Variants in DPP10 observed in about 807,000 individuals in gnomAD.
DPP10 encodes dipeptidyl peptidase like 10.
In DPP10, 33 loss-of-function variants were observed where a neutral mutation model predicts 120.9. That is an observed-to-expected ratio of 0.27 (90% confidence interval 0.21 to 0.37). The LOEUF (loss-of-function observed/expected upper bound fraction) is 0.37. Among genes scored for constraint, DPP10 ranks in the 10% least tolerant of loss-of-function variants. DPP10 has a pLI of 1.00. For synonymous variants in DPP10, 337 were observed against 326.1 expected (o/e 1.03, Z -0.36); for missense variants, 816 against 942.8 (o/e 0.87, Z 1.76).
intron 1 of DPP10, among the ~76,000 whole-genome samples, chr2:114,789,595 C>T (rs1683072264): frequency 6.6e-6 from 1 of 152,138 alleles, no homozygotes; most frequent in Non-Finnish European, 1.5e-5. Flanking sequence ...TCACATGCAC[C>T]TTAGAGTGTG....
intron 1 of DPP10, among the ~76,000 whole-genome samples, chr2:115,186,167 G>T (rs1259437192): frequency 6.6e-6 from 1 of 152,256 alleles, no homozygotes; most frequent in Non-Finnish European, 1.5e-5. Flanking sequence ...TCACTGCGGA[G>T]CTCCGTTGTT....
At chr2:115,698,658 G>A (rs187336729) in intron 7 of DPP10, among the ~76,000 whole-genome samples, 1 of 152,164 alleles carries the variant, frequency 6.6e-6, no homozygotes, top group Non-Finnish European at 1.5e-5. Context: ...TGAGGGCAAA[G>A]CTGCCATCTG....
At chr2:115,391,367 C>G (rs1347095545) in intron 3 of DPP10, among the ~76,000 whole-genome samples, 1 of 152,078 alleles carries the variant, frequency 6.6e-6, no homozygotes, top group Non-Finnish European at 1.5e-5. Context: ...AATCTGAGAT[C>G]ATTCTATCTT....
intron 1 of DPP10, among the ~76,000 whole-genome samples, chr2:115,174,051 C>T (rs548623306): frequency 6.6e-6 from 1 of 152,186 alleles, no homozygotes; most frequent in South Asian, 2.1e-4. Flanking sequence ...TGGAAAGGTT[C>T]CAGCTGGTTT....
At chr2:115,095,720 T>G (rs1003626086) in intron 1 of DPP10, among the ~76,000 whole-genome samples, 9 of 152,006 alleles carry the variant, frequency 5.9e-5, no homozygotes, top group Non-Finnish European at 1.2e-4. Flanking sequence ...AATATGCAAT[T>G]AAATACACAT....
intron 5 of DPP10, among the ~76,000 whole-genome samples, chr2:115,627,287 G>A (rs900898038): frequency 5.3e-5 from 8 of 152,022 alleles, no homozygotes; most frequent in Non-Finnish European, 1.0e-4. Flanking sequence ...CTGACACTGG[G>A]CAGATGAGAT....
intron 3 of DPP10, among the ~76,000 whole-genome samples, chr2:115,456,201 A>G (rs1291816870): frequency 6.6e-6 from 1 of 152,206 alleles, no homozygotes; most frequent in East Asian, 1.9e-4. Context: ...CATCAAACAT[A>G]TGAAAAAAAG....
At chr2:115,570,588 CT>C (rs1339736938) in intron 5 of DPP10, among the ~76,000 whole-genome samples, 1 of 152,186 alleles carries the variant, frequency 6.6e-6, no homozygotes, top group Non-Finnish European at 1.5e-5. Context: ...GCTCTGTCAT[CT>C]TCAGGTGAAT....
At chr2:115,529,809 A>G (rs547453820) in intron 5 of DPP10, among the ~76,000 whole-genome samples, 1 of 152,294 alleles carries the variant, frequency 6.6e-6, no homozygotes, top group East Asian at 1.9e-4. Context: ...AAACTGTTTT[A>G]GGTTATGCCA....
chr2:114,499,841 A>G (rs1166197118), intron 1 of DPP10, among the ~76,000 whole-genome samples: 1 of 152,206 alleles, frequency 6.6e-6, no homozygotes, highest in Non-Finnish European at 1.5e-5. Flanking sequence ...ATTTAAAATA[A>G]ATTTCCTTAA....
At chr2:115,811,437 C>T (rs1686629539) in intron 19 of DPP10, among the ~76,000 whole-genome samples, 1 of 152,130 alleles carries the variant, frequency 6.6e-6, no homozygotes, top group Non-Finnish European at 1.5e-5. Flanking sequence ...AAACCTGTTG[C>T]CATTTACTAA....
intron 1 of DPP10, among the ~76,000 whole-genome samples, chr2:114,471,735 A>C (rs2104618296): frequency 6.6e-6 from 1 of 152,322 alleles, no homozygotes; most frequent in Middle Eastern, 3.4e-3. Flanking sequence ...ATGGTCTCAC[A>C]CAACACATCT....
At chr2:115,123,949 GC>G (rs2049948863) in intron 1 of DPP10, among the ~76,000 whole-genome samples, 1 of 149,344 alleles carries the variant, frequency 6.7e-6, no homozygotes, top group African/African-American at 2.5e-5. Context: ...GTCTGATTAT[GC>G]CTTTTTTTTT....
chr2:114,599,256 A>G (rs921996173), intron 1 of DPP10, among the ~76,000 whole-genome samples: 5 of 152,050 alleles, frequency 3.3e-5, no homozygotes, highest in Middle Eastern at 3.4e-3. Flanking sequence ...TATGCATGCA[A>G]TGAAATGTGC....
intron 3 of DPP10, among the ~76,000 whole-genome samples, chr2:115,431,505 A>G (rs2070980083): frequency 6.6e-6 from 1 of 152,120 alleles, no homozygotes; most frequent in South Asian, 2.1e-4. Flanking sequence ...GTGTAGAGAT[A>G]GCACTACCTA....
chr2:114,485,487 G>T (rs369896504), intron 1 of DPP10, among the ~76,000 whole-genome samples: 8 of 150,520 alleles, frequency 5.3e-5, no homozygotes, highest in African/African-American at 1.7e-4. Context: ...GCGGGGAGGG[G>T]ATCTATCTGC....
At chr2:115,270,121 CACACAA>C (rs1250469957) in intron 1 of DPP10, among the ~76,000 whole-genome samples, 5 of 144,746 alleles carry the variant, frequency 3.5e-5, no homozygotes, top group African/African-American at 1.4e-4. Flanking sequence ...CACAGACACA[CACACAA>C]ACACTTATTT....
At chr2:115,384,847 C>T (rs1050404632) in intron 3 of DPP10, among the ~76,000 whole-genome samples, 2 of 152,296 alleles carry the variant, frequency 1.3e-5, no homozygotes, top group South Asian at 4.1e-4. Flanking sequence ...ACCCAAATCT[C>T]ATCTTGAATT....
At chr2:114,646,530 T>C (rs747100465) in intron 1 of DPP10, among the ~76,000 whole-genome samples, 13 of 152,148 alleles carry the variant, frequency 8.5e-5, no homozygotes, top group Admixed American at 2.6e-4. Flanking sequence ...TCAGAGGAAC[T>C]CCCCAAATTA....
Sources: allele counts gnomAD v4.1 joint callset (sites outside exome capture counted in the v4.1 genomes callset), GRCh38; gene constraint gnomAD v4.1.1; transcripts MANE v1.5; gene names NCBI Gene and HGNC (gene_info 2026-07-23, HGNC 2026-07-21).